CSMD3: variants seen among roughly 807,000 people sequenced by gnomAD.
CSMD3 encodes the protein CUB and sushi domain-containing protein 3.
In CSMD3, 177 loss-of-function variants were observed where a neutral mutation model predicts 435.2. The observed-to-expected ratio is 0.41, with a 90% CI of 0.36 to 0.46. CSMD3 has a LOEUF of 0.46. Ranked by LOEUF, CSMD3 falls within the 20% of genes least tolerant of loss-of-function variation. CSMD3 has a pLI of 0.34. For missense variants in CSMD3, 4,265 were observed against 4,504.6 expected, an observed-to-expected ratio of 0.95 and a Z score of 1.52; for synonymous variants, 1,656 against 1,520.5, an observed-to-expected ratio of 1.09 and a Z score of -2.07.
At chr8:112,285,502 T>C (rs1333366848) in intron 58 of CSMD3, among the ~76,000 whole-genome samples, 3 of 152,060 alleles carry the variant, frequency 2.0e-5, no homozygotes, top group Non-Finnish European at 2.9e-5. Flanking sequence ...TTCTATAACA[T>C]AGTCAATCAA....
chr8:112,588,435 A>T (rs1465818010), intron 22 of CSMD3, among the ~76,000 whole-genome samples: 2 of 151,464 alleles, frequency 1.3e-5, no homozygotes, highest in Non-Finnish European at 3.0e-5. Flanking sequence ...GTATTACACA[A>T]TAAAAGTTAC....
chr8:113,174,704 C>T (rs2092321354), intron 3 of CSMD3, among the ~76,000 whole-genome samples: 1 of 151,704 alleles, frequency 6.6e-6, no homozygotes, highest in East Asian at 1.9e-4. Flanking sequence ...AGCAGAACTT[C>T]AGGATTAAAA....
intron 10 of CSMD3, among the ~76,000 whole-genome samples, chr8:112,887,980 G>T (rs2081659503): frequency 6.6e-6 from 1 of 151,608 alleles, no homozygotes; most frequent in Admixed American, 6.6e-5. Context: ...ACAGCAAATT[G>T]TTTCAGGAAA....
At position 112,224,818 on chromosome 8, in the gene CSMD3, C is replaced by A. The variant is rs774172040; in HGVS notation, c.11077G>T (p.Ala3693Ser). 1.2e-6 allele frequency: 2 copies of A among 1,613,878 alleles called. No homozygotes were observed. Among genetic ancestry groups the A allele is most frequent in the African/African-American group, 2.7e-5 (2 of 74,902 alleles). The change falls in exon 71 of 71, where the codon GCG becomes TCG. Residue 3693 changes from alanine (A) to serine (S), a missense_variant. Physicochemically the swap from Ala to Ser is moderately conservative, Grantham distance 99. Coordinates refer to ENST00000297405, the MANE Select transcript of CSMD3 (RefSeq NM_198123.2). Reference sequence around the variant, plus strand: ...TTCAAGTTGGGATCAAATCGTACCGCCTTCCCTTCCACTGACTTTGCGTTG... The same window carrying A: ...TTCAAGTTGGGATCAAATCGTACCGACTTCCCTTCCACTGACTTTGCGTTG... ...DTNAKSVEGK[A>S]VRFDPNLNTV...
chr8:112,864,202 T>C lies in CSMD3; in HGVS notation c.1634-4936A>G, dbSNP rs141560169. Among the ~76,000 whole-genome samples the C allele has an allele frequency of 1.9e-3, 291 of 152,212 alleles. 6 individuals are homozygous for C. The East Asian group carries it at 0.048, about 25-fold the overall frequency. ...TTTTGGTTTTAAAATATATAACTCA[T>C]ATAAAAATGTATAGGTTTCTTTCTT... On this transcript the variant is annotated intron_variant, in intron 10 of 70. Coordinates refer to ENST00000297405, the MANE Select transcript of CSMD3 (RefSeq NM_198123.2).
At position 112,636,841 on chromosome 8, in the gene CSMD3, T is replaced by C. The variant is rs765216700; in HGVS notation, c.3691A>G (p.Ser1231Gly). 78 of 1,612,814 alleles carry C rather than the reference T, an allele frequency of 4.8e-5. No individual in the cohort carries two copies. The highest frequency in any genetic ancestry group is 6.4e-5 in the Non-Finnish European group (75 of 1,179,540). Residue 1231 changes from serine to glycine, a missense_variant, in exon 22 of 71, where the codon AGT (serine) becomes GGT (glycine). Physicochemically the swap from Ser to Gly is moderately conservative, Grantham distance 56. Transcript: ENST00000297405. ...CCCACACACCTTGGCAGAGGTGCAC[T>C]CCACACTCGTCGGCCACCACCAAGA... ...ICLGGGRRVWSAPLPRCVAEC... is the reference protein window; with the variant it reads ...ICLGGGRRVWGAPLPRCVAEC...
intron 3 of CSMD3, among the ~76,000 whole-genome samples, chr8:113,263,060 A>G (rs1433936864): frequency 6.6e-6 from 1 of 152,042 alleles, no homozygotes; most frequent in Admixed American, 6.6e-5. Context: ...GTCTGTCCAC[A>G]GGGAAAGGCA....
chr8:113,387,441 G>A (rs2094443929), intron 1 of CSMD3, among the ~76,000 whole-genome samples: 1 of 151,718 alleles, frequency 6.6e-6, no homozygotes, highest in Non-Finnish European at 1.5e-5. Context: ...AGTACCACAT[G>A]AGGCAATGAA....
intron 1 of CSMD3, among the ~76,000 whole-genome samples, chr8:113,421,114 T>C: frequency 6.6e-6 from 1 of 152,054 alleles, no homozygotes; most frequent in East Asian, 1.9e-4. Context: ...TAAACAAATA[T>C]GCTTTTCATA....
At chr8:112,625,930 C>G (rs1310641488) in intron 22 of CSMD3, among the ~76,000 whole-genome samples, 1 of 152,112 alleles carries the variant, frequency 6.6e-6, no homozygotes, top group Non-Finnish European at 1.5e-5. Context: ...AGCACACAGT[C>G]TCTACCTGAC....
intron 60 of CSMD3, among the ~76,000 whole-genome samples, chr8:112,265,143 G>A (rs186312324): frequency 1.3e-5 from 2 of 151,888 alleles, no homozygotes; most frequent in Admixed American, 1.3e-4. Context: ...TAACAATGGT[G>A]AATATGGACA....
chr8:112,500,708 A>C (rs1266404808), intron 30 of CSMD3, among the ~76,000 whole-genome samples: 1 of 152,194 alleles, frequency 6.6e-6, no homozygotes, highest in Non-Finnish European at 1.5e-5. Context: ...AGCAGCCTGC[A>C]AAATGGAGCT....
chr8:113,404,314 C>A (rs918550720), intron 1 of CSMD3, among the ~76,000 whole-genome samples: 1 of 151,296 alleles, frequency 6.6e-6, no homozygotes, highest in Non-Finnish European at 1.5e-5. Flanking sequence ...ATTAGACATG[C>A]TTTAAGTTGT....
At chr8:112,921,832 A>G in intron 9 of CSMD3, 81 bp from the exon 10 acceptor site, 1 of 1,041,234 alleles carries the variant, frequency 9.6e-7, no homozygotes, top group South Asian at 1.3e-5. Flanking sequence ...GGCAATATCC[A>G]ATAGGTCAAA....
chr8:113,227,625 A>G (rs964066024), intron 3 of CSMD3, among the ~76,000 whole-genome samples: 6 of 151,582 alleles, frequency 4.0e-5, no homozygotes, highest in African/African-American at 1.5e-4. Flanking sequence ...GTGAGTTCTC[A>G]TGAGATCTGA....
At chr8:112,800,028 A>G in intron 13 of CSMD3, 134 bp downstream of exon 13, 1 of 672,870 alleles carries the variant, frequency 1.5e-6, no homozygotes. Flanking sequence ...TAAATTAAGG[A>G]GGAAATGATC....
At chr8:113,170,998 T>C (rs1444151757) in intron 4 of CSMD3, among the ~76,000 whole-genome samples, 1 of 148,592 alleles carries the variant, frequency 6.7e-6, no homozygotes, top group Non-Finnish European at 1.5e-5. Flanking sequence ...GAAACTAAAA[T>C]GGCAATAGAA....
intron 4 of CSMD3, among the ~76,000 whole-genome samples, chr8:113,160,370 T>C (rs2092016246): frequency 6.6e-6 from 1 of 151,978 alleles, no homozygotes; most frequent in Admixed American, 6.6e-5. Context: ...GTGGAAATGA[T>C]GGTAATATAT....
intron 13 of CSMD3, among the ~76,000 whole-genome samples, chr8:112,795,385 C>G (rs1432878374): frequency 6.6e-6 from 1 of 152,034 alleles, no homozygotes; most frequent in African/African-American, 2.4e-5. Flanking sequence ...TCAATGGATA[C>G]AGAAAAATGT....
Sources: allele counts gnomAD v4.1 joint callset (sites outside exome capture counted in the v4.1 genomes callset), GRCh38; gene constraint gnomAD v4.1.1; transcripts MANE v1.5; gene names NCBI Gene and HGNC (gene_info 2026-07-23, HGNC 2026-07-21).